The following ATP1B3 variants were observed in gnomAD, a reference collection of about 807,000 sequenced individuals.
ATP1B3 encodes ATPase Na+/K+ transporting subunit beta 3.
A neutral mutation model predicts 30.2 loss-of-function variants in ATP1B3; 10 were observed. The ratio of observed to expected loss-of-function variants is 0.33; its 90% confidence interval spans 0.20 to 0.56. The LOEUF is 0.56. Among genes scored for constraint, ATP1B3 ranks in the 20% least tolerant of loss-of-function variants. The pLI, the probability that ATP1B3 is intolerant of heterozygous loss-of-function variation, is 0.90. For missense variants in ATP1B3, 238 were observed against 336.7 expected, an observed-to-expected ratio of 0.71 and a Z score of 2.29; for synonymous variants, 113 against 117.0, an observed-to-expected ratio of 0.97 and a Z score of 0.22.
chr3:141,880,319 CAT>C (rs1411185176), intron 1 of ATP1B3, among the ~76,000 whole-genome samples: 1 of 152,140 alleles, frequency 6.6e-6, no homozygotes, highest in Non-Finnish European at 1.5e-5. Flanking sequence ...CTTATATACA[CAT>C]AAGTTACTTC....
At chr3:141,883,645 T>C (rs1377903711) in intron 1 of ATP1B3, among the ~76,000 whole-genome samples, 1 of 152,230 alleles carries the variant, frequency 6.6e-6, no homozygotes, top group Non-Finnish European at 1.5e-5. Context: ...TCTTTGATTC[T>C]CTAACCCCTG....
chr3:141,897,932 A>T (rs1934098065), intron 1 of ATP1B3, among the ~76,000 whole-genome samples: 1 of 151,944 alleles, frequency 6.6e-6, no homozygotes, highest in Non-Finnish European at 1.5e-5. Context: ...CTGGTCTCGA[A>T]CTCCTGACCT....
chr3:141,889,809 A>G (rs997735517), intron 1 of ATP1B3, among the ~76,000 whole-genome samples: 3 of 144,942 alleles, frequency 2.1e-5, no homozygotes, highest in Non-Finnish European at 4.5e-5. Context: ...ATATCTACAT[A>G]TATGTGTGTA....
At chr3:141,904,727 GAGAC>G (rs1218905194) in intron 2 of ATP1B3, among the ~76,000 whole-genome samples, 1 of 20,692 alleles carries the variant, frequency 4.8e-5, no homozygotes, top group Non-Finnish European at 1.1e-4. Context: ...TTTTTTTTTT[GAGAC>G]AGGGCTTTGC....
chr3:141,891,857 TG>T (rs1933959741), intron 1 of ATP1B3, among the ~76,000 whole-genome samples: 1 of 152,094 alleles, frequency 6.6e-6, no homozygotes, highest in Admixed American at 6.5e-5. Flanking sequence ...TAATTTCTAA[TG>T]TATTTATTTT....
chr3:141,890,949 C>T (rs1001057179), intron 1 of ATP1B3, among the ~76,000 whole-genome samples: 1 of 152,156 alleles, frequency 6.6e-6, no homozygotes, highest in African/African-American at 2.4e-5. Context: ...TGTAAATATT[C>T]TTTATGGACT....
At chr3:141,883,694 G>A (rs1933778093) in intron 1 of ATP1B3, among the ~76,000 whole-genome samples, 1 of 152,128 alleles carries the variant, frequency 6.6e-6, no homozygotes, top group Admixed American at 6.6e-5. Flanking sequence ...ATACAAACTG[G>A]TTGAATGAGC....
At chr3:141,918,320 A>T (rs1934505411) in intron 5 of ATP1B3, 1 of 152,278 alleles carries the variant, frequency 6.6e-6, no homozygotes. Context: ...CTGCATAGAT[A>T]AGCTTGGATG....
intron 1 of ATP1B3, among the ~76,000 whole-genome samples, chr3:141,877,300 C>A (rs1198791895): frequency 2.6e-5 from 4 of 151,994 alleles, no homozygotes; most frequent in Non-Finnish European, 5.9e-5. Flanking sequence ...AGCGCTCCGG[C>A]CCGAGAGGCC....
intron 3 of ATP1B3, among the ~76,000 whole-genome samples, chr3:141,910,453 A>T (rs1202719733): frequency 6.6e-6 from 1 of 151,908 alleles, no homozygotes; most frequent in African/African-American, 2.4e-5. Flanking sequence ...TTCTTAGTTC[A>T]CATGTCTCAG....
chr3:141,906,008 A>T (rs1383672033), intron 2 of ATP1B3, among the ~76,000 whole-genome samples: 1 of 149,654 alleles, frequency 6.7e-6, no homozygotes, highest in Non-Finnish European at 1.5e-5. Context: ...TTAATATATC[A>T]CATGTACATG....
chr3:141,917,577 C>T (rs1430602768), intron 5 of ATP1B3, among the ~76,000 whole-genome samples: 2 of 151,706 alleles, frequency 1.3e-5, no homozygotes, highest in Non-Finnish European at 2.9e-5. Context: ...ACCTGTAGTC[C>T]CAGCTATTCA....
chr3:141,902,082 T>G (rs1473275021), intron 1 of ATP1B3: 3 of 1,238,856 alleles, frequency 2.4e-6, no homozygotes, highest in Non-Finnish European at 3.2e-6. Context: ...TTCATTTCCC[T>G]CTATAGCAAA....
chr3:141,880,109 T>A (rs2115938), intron 1 of ATP1B3, among the ~76,000 whole-genome samples: 34,761 of 151,992 alleles, frequency 0.23, 4,144 homozygotes, highest in African/African-American at 0.25. Context: ...TGATCTAAGG[T>A]TCCTCTCCAA....
intron 1 of ATP1B3, among the ~76,000 whole-genome samples, chr3:141,895,469 CG>C (rs1934047810): frequency 6.6e-6 from 1 of 152,134 alleles, no homozygotes; most frequent in Non-Finnish European, 1.5e-5. Context: ...GGATTACAAG[CG>C]TGAGCCACTG....
chr3:141,911,186 C>G (rs1013738028), intron 3 of ATP1B3, among the ~76,000 whole-genome samples: 1 of 151,970 alleles, frequency 6.6e-6, no homozygotes, highest in African/African-American at 2.4e-5. Flanking sequence ...CTGGTTTTTT[C>G]TTTCTAGAAC....
intron 1 of ATP1B3, among the ~76,000 whole-genome samples, chr3:141,881,834 G>A (rs898432312): frequency 6.6e-6 from 1 of 152,158 alleles, no homozygotes; most frequent in African/African-American, 2.4e-5. Context: ...ATAAACGCAG[G>A]CCAATGGTAC....
chr3:141,914,768 TAAG>T (rs1031458362), intron 4 of ATP1B3, among the ~76,000 whole-genome samples: 2 of 152,202 alleles, frequency 1.3e-5, no homozygotes, highest in Admixed American at 6.5e-5. Flanking sequence ...CACTGCTAAA[TAAG>T]AAGCTTCCCT....
chr3:141,889,760 C>T (rs398089029), intron 1 of ATP1B3, among the ~76,000 whole-genome samples: 30,719 of 78,858 alleles, frequency 0.39, 7,204 homozygotes, highest in African/African-American at 0.66. Flanking sequence ...AATATATACA[C>T]ACACACACAC....
Sources: allele counts gnomAD v4.1 joint callset (sites outside exome capture counted in the v4.1 genomes callset), GRCh38; gene constraint gnomAD v4.1.1; transcripts MANE v1.5; gene names NCBI Gene and HGNC (gene_info 2026-07-23, HGNC 2026-07-21).